The following RTN4 variants were observed in gnomAD, a reference collection of about 807,000 sequenced individuals.
The protein encoded by RTN4 is reticulon 4, also known as reticulon-4.
Under a neutral mutation model 90.4 loss-of-function variants are expected in RTN4, and 32 were observed. That is an observed-to-expected ratio of 0.35 (90% CI 0.27 to 0.48). The LOEUF (loss-of-function observed/expected upper bound fraction) is 0.48, where lower values mean the gene tolerates loss of function less well. RTN4 is among the 20% of genes least tolerant of loss of function. The pLI is 0.99. For synonymous variants in RTN4, 629 were observed against 552.5 expected, an observed-to-expected ratio of 1.14 and a Z score of -1.94; for missense variants, 1,706 against 1,430.2, an observed-to-expected ratio of 1.19 and a Z score of -3.11.
Position 55,027,495 on chromosome 2 carries a change from T to C in RTN4, c.614-10A>G, listed in dbSNP as rs201154736. ...TTCAAGTCCATATTTTCTGTGACCA[T>C]GGACAGAAAGGAAAGTTAGAGAATG... is the stretch of plus-strand genomic sequence containing the variant. On this transcript the variant is annotated splice_polypyrimidine_tract_variant and intron_variant, in intron 2 of 8. Transcript: ENST00000337526. 3.8e-6 allele frequency: 6 copies of C among 1,582,378 alleles called. No individual in the cohort carries two copies. Among genetic ancestry groups the C allele is most frequent in the African/African-American group, 1.4e-5 (1 of 73,424 alleles).
In RTN4 at chr2:55,050,009, G is replaced by C. The variant is rs756006681; in HGVS notation, c.292C>G (p.Pro98Ala). 7.2e-7 allele frequency: 1 copy of C among 1,380,620 alleles called. No homozygotes were observed. The highest frequency in any genetic ancestry group is 9.3e-7 in the Non-Finnish European group (1 of 1,074,464). The allele number at this position is 1,380,620 out of a possible 1,614,324, so 85.5% of individuals were successfully genotyped here. A position where few individuals can be genotyped will look rare whatever the true frequency, so the allele number is the denominator to read the frequency against. ...GGCTGCCGCTCCGGGGCGACGGGGG[G>C]AGCGGCCGGCAGGGGTCCCCGGGGC... ...PAPRGPLPAA[P>A]PVAPERQPSW... Residue 98 changes from proline (P) to alanine (A), a missense_variant, in exon 1 of 9, where the codon CCC becomes GCC. By Grantham distance (27) the Pro-to-Ala change is conservative. Coordinates refer to ENST00000337526, the MANE Select transcript of RTN4 (RefSeq NM_020532.5). The surrounding 1 kb of genome is among the most constrained non-coding windows in gnomAD (Gnocchi z 4.6).
chr2:55,090,209 C>T (rs575091230), intron 1 of RTN4, among the ~76,000 whole-genome samples: 12 of 152,000 alleles, frequency 7.9e-5, no homozygotes, highest in Non-Finnish European at 1.3e-4. Context: ...CCAGTATCTG[C>T]GAATAGGAGG....
chr2:55,023,282 T>A (rs771403997), intron 3 of RTN4, among the ~76,000 whole-genome samples: 72 of 152,254 alleles, frequency 4.7e-4, no homozygotes, highest in Non-Finnish European at 5.6e-4. Flanking sequence ...AAAGTCACCC[T>A]ACCATTTAGA....
intron 2 of RTN4, among the ~76,000 whole-genome samples, chr2:55,071,191 CA>C (rs144168366): frequency 0.26 from 38,540 of 151,068 alleles, 5,474 homozygotes; most frequent in Non-Finnish European, 0.32. Context: ...TACTGGCCAC[CA>C]GGGGGTCTCT....
At chr2:55,010,294 G>C (rs1214046303) in intron 3 of RTN4, 1 of 1,451,708 alleles carries the variant, frequency 6.9e-7, no homozygotes, top group Non-Finnish European at 9.0e-7. Flanking sequence ...ACGTCTTCTG[G>C]GTGTGGAACA....
At chr2:55,069,918 G>A (rs563421566) in intron 2 of RTN4, among the ~76,000 whole-genome samples, 2 of 152,280 alleles carry the variant, frequency 1.3e-5, no homozygotes, top group African/African-American at 4.8e-5. Flanking sequence ...ATGACAACTG[G>A]GGAAAGGATT....
Position 55,069,486 on chromosome 2 carries a change from T to C in RTN4, c.-63+11003A>G, listed in dbSNP as rs534004205. Among the ~76,000 whole-genome samples, 49 of 152,324 alleles carry C rather than the reference T, an allele frequency of 3.2e-4. No individual in the cohort carries two copies. The East Asian group carries it at 8.7e-3, about 27-fold the overall frequency. The stretch of plus-strand genomic sequence containing the variant: ...ATATCTGCATGGCCAGAGACTACTA[T>C]CCACAGGGTTTATTGCTATTACACA... On this transcript the variant is annotated intron_variant, in intron 2 of 3. Coordinates refer to the RTN4 transcript ENST00000427710.
intron 2 of RTN4, among the ~76,000 whole-genome samples, chr2:55,068,119 T>C (rs1668425809): frequency 1.3e-5 from 2 of 152,206 alleles, no homozygotes; most frequent in South Asian, 4.1e-4. Context: ...GGGAAGAATA[T>C]TTTAATGATT....
At chr2:54,973,962 C>T in intron 6 of RTN4, 95 bp from the exon 7 acceptor site, 1 of 1,059,018 alleles carries the variant, frequency 9.4e-7, no homozygotes, top group South Asian at 1.5e-5. Context: ...TCAAGATAAC[C>T]AAGCAGTGTT....
chr2:55,126,996 CTG>C, the RTN4 span, among the ~76,000 whole-genome samples: 3 of 152,076 alleles, frequency 2.0e-5, no homozygotes, highest in Non-Finnish European at 4.4e-5. Context: ...ACAACAGACA[CTG>C]GGGTCTACTT....
At chr2:55,049,700 G>A (rs762405311) in intron 1 of RTN4, 45 bp downstream of exon 1, 32 of 1,419,918 alleles carry the variant, frequency 2.3e-5, no homozygotes, top group East Asian at 8.5e-5. Context: ...ACAAAAGAGG[G>A]AGGGGCGCGA....
intron 6 of RTN4, 173 bp from the exon 7 acceptor site, chr2:54,974,040 A>T (rs1677390356): frequency 1.7e-6 from 1 of 572,230 alleles, no homozygotes; most frequent in Admixed American, 3.3e-5. Context: ...CTCCAGAGGA[A>T]TGAATGAACT....
chr2:55,008,729 GTTAT>G (rs1420293522), intron 3 of RTN4, among the ~76,000 whole-genome samples: 3 of 152,054 alleles, frequency 2.0e-5, no homozygotes, highest in Non-Finnish European at 2.9e-5. Context: ...AACTTAAGAT[GTTAT>G]TTAATGATTT....
Position 55,049,927 on chromosome 2 carries a change from G to T in RTN4, c.374C>A (p.Ala125Asp), listed in dbSNP as rs1668005790. The T allele has an allele frequency of 1.5e-6, 2 of 1,339,972 alleles. No individual in the cohort carries two copies. The highest frequency in any genetic ancestry group is 6.2e-5 in the East Asian group (2 of 32,248). 83.0% of individuals were successfully genotyped at this position (1,339,972 alleles called of 1,614,324 possible). A position where few individuals can be genotyped will look rare whatever the true frequency, so the allele number is the denominator to read the frequency against. Residue 125 changes from alanine to aspartate, a missense_variant, in exon 1 of 9, where the codon GCT becomes GAT. Physicochemically the swap from Ala to Asp is moderately radical, Grantham distance 126 (BLOSUM62 -2). Transcript: ENST00000337526. ...GAGCTTGGAGGGCGAGACTGCGGCAGCAGACAGCGGGGATGGCGCGGGCAC... is the reference window on the plus strand; with the variant it reads ...GAGCTTGGAGGGCGAGACTGCGGCATCAGACAGCGGGGATGGCGCGGGCAC... The part of the protein sequence containing the change: ...STVPAPSPLS[A>D]AAVSPSKLPE...
the RTN4 span, among the ~76,000 whole-genome samples, chr2:55,122,336 T>C: frequency 6.6e-6 from 1 of 151,936 alleles, no homozygotes; most frequent in Non-Finnish European, 1.5e-5. Context: ...CGACTTAGAG[T>C]GCTTTCCGGC....
intron 1 of RTN4, among the ~76,000 whole-genome samples, chr2:55,040,069 C>T (rs185874444): frequency 1.3e-5 from 2 of 152,200 alleles, no homozygotes; most frequent in African/African-American, 4.8e-5. Flanking sequence ...TGTCTTATAG[C>T]CCTAATCCTT....
chr2:55,027,668 G>A (rs938968981), intron 2 of RTN4, among the ~76,000 whole-genome samples, 183 bp from the exon 3 acceptor site: 4 of 151,044 alleles, frequency 2.6e-5, no homozygotes, highest in Non-Finnish European at 5.9e-5. Context: ...TTAAGCTATT[G>A]TAAATATAAC....
chr2:55,044,090 G>A lies in RTN4; in HGVS notation c.556+5655C>T, dbSNP rs1489572760. Among the ~76,000 whole-genome samples, 3 of 152,112 alleles carry A rather than the reference G, an allele frequency of 2.0e-5. No individual in the cohort carries two copies. In the East Asian group the frequency reaches 5.8e-4, roughly 29 times the overall value. On this transcript the variant is annotated intron_variant, in intron 1 of 8. Transcript: ENST00000337526. ...ACGTGCCTGTGGTCCCAGCTAGTTG[G>A]GAGGCTGAGGTGGCAGGATCACTTG...
chr2:55,103,186 C>T (rs957381626), intron 1 of RTN4, among the ~76,000 whole-genome samples: 2 of 150,978 alleles, frequency 1.3e-5, no homozygotes, highest in African/African-American at 2.4e-5. Context: ...TAAAAGGATG[C>T]ACCTGGAGAA....
Sources: allele counts gnomAD v4.1 joint callset (sites outside exome capture counted in the v4.1 genomes callset), GRCh38; gene constraint gnomAD v4.1.1; non-coding constraint Gnocchi (gnomAD v3.1); transcripts MANE v1.5; gene names NCBI Gene and HGNC (gene_info 2026-07-23, HGNC 2026-07-21).